Variants in MALRD1 observed in about 807,000 individuals in gnomAD.
MALRD1 encodes MAM and LDL-receptor class A domain-containing protein 1.
MALRD1 carries 247 observed loss-of-function variants against 242.1 expected under a neutral mutation model. The ratio of observed to expected loss-of-function variants is 1.02; its 90% CI spans 0.92 to 1.13. MALRD1 has a LOEUF of 1.13. MALRD1 is among the 50% of genes most tolerant of loss of function. MALRD1 has a pLI of 0.00. For missense variants in MALRD1, 2,989 were observed against 2,533.1 expected, an observed-to-expected ratio of 1.18 and a Z score of -3.86; for synonymous variants, 995 against 866.6, an observed-to-expected ratio of 1.15 and a Z score of -2.60.
At position 19,171,440 on chromosome 10, in the gene MALRD1, A is replaced by G; in HGVS notation, c.1831-3768A>G. Among the ~76,000 whole-genome samples the G allele has an allele frequency of 3.1e-5, 3 of 97,980 alleles. 1 individual carries two copies. Among genetic ancestry groups the G allele is most frequent in the African/African-American group, 8.6e-5 (3 of 34,740 alleles). The allele number at this position is 97,980 out of a possible 152,430, so 64.3% of individuals were successfully genotyped here. A position where few individuals can be genotyped will look rare whatever the true frequency, so the allele number is the denominator to read the frequency against. On this transcript the variant is annotated intron_variant, in intron 13 of 39. Transcript: ENST00000454679. ...TTATATTTTATATACATATATATAT[A>G]TATATATATATATATATACACACAT...
At position 19,557,115 on chromosome 10, in the gene MALRD1, T is replaced by G. The variant is rs185676137; in HGVS notation, c.5479-10387T>G. On this transcript the variant is annotated intron_variant, in intron 32 of 39. Coordinates refer to ENST00000454679, the MANE Select transcript of MALRD1 (RefSeq NM_001142308.3). ...CTTTAGGGAGGTTTCTATTTAGATG[T>G]TTCATCCATTTTTCTCATCAGGTTG... Among the ~76,000 whole-genome samples the G allele has an allele frequency of 9.2e-5, 14 of 152,230 alleles. No homozygotes were observed. The East Asian group carries it at 2.5e-3, about 27-fold the overall frequency.
chr10:19,380,764 T>TA (rs1845801679), intron 26 of MALRD1, among the ~76,000 whole-genome samples: 1 of 152,200 alleles, frequency 6.6e-6, no homozygotes, highest in Non-Finnish European at 1.5e-5. Flanking sequence ...ATACATTACA[T>TA]AAAAATTTGG....
intron 26 of MALRD1, among the ~76,000 whole-genome samples, chr10:19,367,470 A>T (rs1219593586): frequency 1.3e-5 from 2 of 152,102 alleles, no homozygotes; most frequent in African/African-American, 2.4e-5. Flanking sequence ...GCTGAATAAG[A>T]TTGCATTGCA....
At chr10:19,453,972 A>G (rs1365764970) in intron 29 of MALRD1, among the ~76,000 whole-genome samples, 3 of 152,256 alleles carry the variant, frequency 2.0e-5, no homozygotes, top group East Asian at 1.9e-4. Context: ...GAGAATTGCA[A>G]GAGGCTAAGC....
chr10:19,586,899 C>T (rs539744814), intron 33 of MALRD1, among the ~76,000 whole-genome samples: 1 of 152,348 alleles, frequency 6.6e-6, no homozygotes, highest in East Asian at 1.9e-4. Context: ...CTAGGACACT[C>T]CGAGCCAGGT....
chr10:19,306,098 C>CTA (rs1564546822), intron 21 of MALRD1, among the ~76,000 whole-genome samples: 2 of 101,158 alleles, frequency 2.0e-5, no homozygotes, highest in South Asian at 2.5e-4. Context: ...ATACTATATA[C>CTA]TAGATAGTAT....
intron 36 of MALRD1, among the ~76,000 whole-genome samples, chr10:19,617,560 G>A (rs138067985): frequency 9.2e-5 from 14 of 151,822 alleles, no homozygotes; most frequent in African/African-American, 2.4e-4. Context: ...TTAAAATTAC[G>A]TACTAAAAAA....
At chr10:19,174,750 G>A (rs977437227) in intron 13 of MALRD1, among the ~76,000 whole-genome samples, 3 of 151,988 alleles carry the variant, frequency 2.0e-5, no homozygotes, top group Admixed American at 1.3e-4. Flanking sequence ...GTATGTTTCT[G>A]TGTATGTATA....
chr10:19,446,007 C>T (rs1449758268), intron 28 of MALRD1, among the ~76,000 whole-genome samples: 1 of 152,162 alleles, frequency 6.6e-6, no homozygotes, highest in Non-Finnish European at 1.5e-5. Context: ...GTGGATGCCC[C>T]TCCTTCAGCC....
intron 18 of MALRD1, among the ~76,000 whole-genome samples, chr10:19,221,247 G>T (rs899310941): frequency 1.4e-4 from 21 of 151,836 alleles, no homozygotes; most frequent in Admixed American, 1.1e-3. Context: ...TGTAAATATC[G>T]TAGGACTATG....
At chr10:19,147,043 AAG>A (rs1833749478) in intron 11 of MALRD1, among the ~76,000 whole-genome samples, 1 of 152,122 alleles carries the variant, frequency 6.6e-6, no homozygotes, top group African/African-American at 2.4e-5. Context: ...ATTTTAAGTA[AAG>A]AGTGTCTCGC....
chr10:19,267,196 T>C (rs1840007585), intron 19 of MALRD1, among the ~76,000 whole-genome samples: 1 of 152,010 alleles, frequency 6.6e-6, no homozygotes, highest in African/African-American at 2.4e-5. Context: ...TTTTCAGATA[T>C]CAGCATGCAC....
At chr10:19,368,378 C>T (rs1021162276) in intron 26 of MALRD1, among the ~76,000 whole-genome samples, 25 of 152,058 alleles carry the variant, frequency 1.6e-4, no homozygotes, top group South Asian at 2.1e-4. Flanking sequence ...AGACACTGTC[C>T]TTTCTCCAGT....
At chr10:19,101,857 TA>T (rs1163373964) in intron 4 of MALRD1, among the ~76,000 whole-genome samples, 1 of 136,996 alleles carries the variant, frequency 7.3e-6, no homozygotes, top group African/African-American at 2.6e-5. Flanking sequence ...GATATATCTA[TA>T]ACGTATTTGT....
chr10:19,630,604 T>A (rs2131645724), intron 36 of MALRD1, among the ~76,000 whole-genome samples: 1 of 152,280 alleles, frequency 6.6e-6, no homozygotes, highest in South Asian at 2.1e-4. Flanking sequence ...ATTATTCTTT[T>A]CCATTTGTTG....
At chr10:19,708,340 C>CTTTTTT (rs545136011) in intron 38 of MALRD1, among the ~76,000 whole-genome samples, 37 of 76,050 alleles carry the variant, frequency 4.9e-4, no homozygotes, top group Non-Finnish European at 7.7e-4. Context: ...TTTTCTTTTT[C>CTTTTTT]TTTTTTTTTT....
At chr10:19,310,129 C>A (rs1289796025) in intron 21 of MALRD1, among the ~76,000 whole-genome samples, 1 of 151,584 alleles carries the variant, frequency 6.6e-6, no homozygotes, top group African/African-American at 2.4e-5. Flanking sequence ...CTAATGGAAC[C>A]TTTACTGAGT....
intron 28 of MALRD1, among the ~76,000 whole-genome samples, chr10:19,441,796 G>C (rs1484728540): frequency 1.4e-5 from 2 of 146,104 alleles, no homozygotes; most frequent in Non-Finnish European, 3.0e-5. Flanking sequence ...TTCGGCTTAG[G>C]ATTGTCTTGA....
intron 34 of MALRD1, among the ~76,000 whole-genome samples, chr10:19,602,278 G>T (rs750667067): frequency 1.4e-5 from 2 of 144,268 alleles, no homozygotes; most frequent in Non-Finnish European, 1.5e-5. Context: ...CATGCGCCAT[G>T]CTGGTGTGCT....
Sources: allele counts gnomAD v4.1 joint callset (sites outside exome capture counted in the v4.1 genomes callset), GRCh38; gene constraint gnomAD v4.1.1; transcripts MANE v1.5; gene names NCBI Gene and HGNC (gene_info 2026-07-23, HGNC 2026-07-21).